HIVEP3: variants seen among roughly 807,000 people sequenced by gnomAD.
HIVEP3 encodes the protein transcription factor HIVEP3.
A neutral mutation model predicts 152.8 loss-of-function variants in HIVEP3; 49 were observed. That is an observed-to-expected ratio of 0.32 (90% CI 0.26 to 0.41). The LOEUF is 0.41. Ranked by LOEUF, HIVEP3 falls within the 10% of genes least tolerant of loss-of-function variation. The pLI is 1.00. For synonymous variants in HIVEP3, 1,269 were observed against 1,289.0 expected, an observed-to-expected ratio of 0.98 and a Z score of 0.33; for missense variants, 2,790 against 3,103.3, an observed-to-expected ratio of 0.90 and a Z score of 2.40.
chr1:41,940,956 G>A lies in HIVEP3; in HGVS notation n.120-22432C>T, dbSNP rs139922461. On this transcript the variant is annotated intron_variant and non_coding_transcript_variant, in intron 1 of 3. Transcript: ENST00000489103. ...AACACTAAAAGGTCAGGTAGAAGAG[G>A]AAAACCAGCAGAGTATGGTGTCCCA... Among the ~76,000 whole-genome samples the A allele has an allele frequency of 3.0e-3, 453 of 152,202 alleles. 1 individual carries two copies. Among genetic ancestry groups the A allele is most frequent in the Non-Finnish European group, 4.4e-3 (296 of 67,996 alleles).
intron 1 of HIVEP3, among the ~76,000 whole-genome samples, chr1:41,957,121 T>A (rs886831430): frequency 6.6e-6 from 1 of 152,196 alleles, no homozygotes; most frequent in Non-Finnish European, 1.5e-5. Context: ...AAGGCAGTAA[T>A]TTATATTTTT....
At chr1:41,756,174 A>G (rs1647297738) in intron 1 of HIVEP3, among the ~76,000 whole-genome samples, 1 of 152,220 alleles carries the variant, frequency 6.6e-6, no homozygotes, top group Non-Finnish European at 1.5e-5. Context: ...GATAAATATT[A>G]AGGGCAATAT....
At chr1:41,642,769 TTGG>T (rs1422494773) in intron 2 of HIVEP3, among the ~76,000 whole-genome samples, 1 of 152,154 alleles carries the variant, frequency 6.6e-6, no homozygotes, top group Non-Finnish European at 1.5e-5. Flanking sequence ...TGGGTGTGTG[TTGG>T]TGAAGATCAA....
chr1:41,576,798 C>T (rs1433454493), intron 4 of HIVEP3, among the ~76,000 whole-genome samples: 2 of 152,172 alleles, frequency 1.3e-5, no homozygotes, highest in African/African-American at 2.4e-5. Flanking sequence ...GACTTCACCT[C>T]TCTGGGCCTC....
chr1:41,856,260 T>C (rs1056449952), intron 1 of HIVEP3, among the ~76,000 whole-genome samples: 1 of 152,102 alleles, frequency 6.6e-6, no homozygotes, highest in Non-Finnish European at 1.5e-5. Context: ...AGCTTGTTGA[T>C]TGAAAAGCAA....
intron 1 of HIVEP3, among the ~76,000 whole-genome samples, chr1:41,969,828 C>T (rs972272107): frequency 6.6e-6 from 1 of 152,074 alleles, no homozygotes. Context: ...GGTCTAATAT[C>T]CAGAATCTAC....
chr1:41,842,137 G>C (rs1014783387), intron 1 of HIVEP3, among the ~76,000 whole-genome samples: 1 of 151,962 alleles, frequency 6.6e-6, no homozygotes, highest in East Asian at 1.9e-4. Context: ...AATGCACCTA[G>C]TATATAGTAA....
intron 1 of HIVEP3, among the ~76,000 whole-genome samples, chr1:41,974,486 T>TACACACACACACACACACAC (rs66882363): frequency 3.3e-4 from 44 of 134,284 alleles, no homozygotes; most frequent in African/African-American, 1.0e-3. Flanking sequence ...CTCCACCCCC[T>TACACACACACACACACACAC]ACACACACAC....
At chr1:41,815,300 C>A (rs1249044098) in intron 1 of HIVEP3, among the ~76,000 whole-genome samples, 1 of 152,004 alleles carries the variant, frequency 6.6e-6, no homozygotes, top group Non-Finnish European at 1.5e-5. Context: ...ATAGTGGGAC[C>A]CTTTCTCTAC....
intron 1 of HIVEP3, among the ~76,000 whole-genome samples, chr1:41,775,320 C>G (rs1300198035): frequency 1.3e-5 from 2 of 152,194 alleles, no homozygotes; most frequent in Non-Finnish European, 2.9e-5. Context: ...TGGCAATATA[C>G]TCCCTTAAGA....
chr1:41,974,364 C>A (rs940146690), intron 1 of HIVEP3, among the ~76,000 whole-genome samples: 1 of 151,848 alleles, frequency 6.6e-6, no homozygotes, highest in Non-Finnish European at 1.5e-5. Flanking sequence ...CTGTCCAAAC[C>A]CTTCCCTTCT....
intron 1 of HIVEP3, among the ~76,000 whole-genome samples, chr1:41,852,999 G>T (rs144805602): frequency 1.3e-5 from 2 of 152,126 alleles, no homozygotes; most frequent in Non-Finnish European, 2.9e-5. Context: ...GAGACTTCAC[G>T]TCCCCACCAC....
intron 7 of HIVEP3, among the ~76,000 whole-genome samples, chr1:41,517,640 A>G (rs1439461026): frequency 1.3e-5 from 2 of 152,134 alleles, no homozygotes; most frequent in African/African-American, 4.8e-5. Flanking sequence ...TGCTGGCGAG[A>G]TGGCTCCAGC....
chr1:41,934,462 C>T (rs1354773093), intron 1 of HIVEP3, among the ~76,000 whole-genome samples: 1 of 152,110 alleles, frequency 6.6e-6, no homozygotes, highest in East Asian at 1.9e-4. Flanking sequence ...AAGTTGTGAA[C>T]TTTCTATTCG....
intron 5 of HIVEP3, among the ~76,000 whole-genome samples, chr1:41,541,722 C>T (rs1643536311): frequency 6.6e-6 from 1 of 152,190 alleles, no homozygotes; most frequent in Non-Finnish European, 1.5e-5. Context: ...CAGCCTCTGT[C>T]CCTTATTAGC....
At chr1:41,517,893 A>G (rs574284777) in intron 7 of HIVEP3, among the ~76,000 whole-genome samples, 2 of 152,262 alleles carry the variant, frequency 1.3e-5, no homozygotes, top group East Asian at 3.9e-4. Context: ...AAACTCTCCT[A>G]GCTCCAAAAG....
intron 1 of HIVEP3, among the ~76,000 whole-genome samples, chr1:41,858,845 G>T (rs766437870): frequency 1.3e-5 from 2 of 152,326 alleles, no homozygotes; most frequent in Non-Finnish European, 2.9e-5. Flanking sequence ...GCATGAGGAG[G>T]GGGTCTAGTG....
intron 2 of HIVEP3, among the ~76,000 whole-genome samples, chr1:41,631,472 G>A (rs1645193988): frequency 6.6e-6 from 1 of 152,110 alleles, no homozygotes; most frequent in Admixed American, 6.5e-5. Flanking sequence ...CCGCACACAG[G>A]CCTGGGGCAC....
chr1:41,551,308 G>A (rs1358286289), intron 5 of HIVEP3, among the ~76,000 whole-genome samples: 3 of 149,874 alleles, frequency 2.0e-5, no homozygotes, highest in African/African-American at 7.4e-5. Flanking sequence ...TTACATCGAT[G>A]TTCATCAGGG....
Sources: allele counts gnomAD v4.1 joint callset (sites outside exome capture counted in the v4.1 genomes callset), GRCh38; gene constraint gnomAD v4.1.1; transcripts MANE v1.5; gene names NCBI Gene and HGNC (gene_info 2026-07-23, HGNC 2026-07-21).